Variants in AIPL1 observed in about 807,000 individuals in gnomAD.
AIPL1 encodes the protein AIP like 1 HSP90 co-chaperone, also known as aryl-hydrocarbon-interacting protein-like 1.
A neutral mutation model predicts 32.9 loss-of-function variants in AIPL1; 23 were observed. The ratio of observed to expected loss-of-function variants is 0.70; its 90% CI spans 0.50 to 0.99. The LOEUF is 0.99. Among genes scored for constraint, AIPL1 ranks in the 50% least tolerant of loss-of-function variants. The pLI is 0.00. For synonymous variants in AIPL1, 210 were observed against 209.4 expected, an observed-to-expected ratio of 1.00 and a Z score of -0.02; for missense variants, 485 against 506.0, an observed-to-expected ratio of 0.96 and a Z score of 0.40.
intron 5 of AIPL1, 106 bp from the exon 6 acceptor site, chr17:6,425,936 A>T (rs969296004): frequency 7.0e-7 from 1 of 1,419,974 alleles, no homozygotes; most frequent in African/African-American, 1.4e-5. Flanking sequence ...CCCCGCCATG[A>T]TCCTTAACCT....
At chr17:6,429,402 G>A (rs901256184) in intron 2 of AIPL1, among the ~76,000 whole-genome samples, 2 of 152,218 alleles carry the variant, frequency 1.3e-5, no homozygotes, top group East Asian at 3.8e-4. Flanking sequence ...AGGTCACCCT[G>A]CCCGCCCCAC....
intron 1 of AIPL1, 95 bp from the exon 2 acceptor site, chr17:6,434,193 G>T: frequency 2.1e-6 from 3 of 1,413,544 alleles, no homozygotes; most frequent in Non-Finnish European, 2.9e-6. Context: ...CTGTCCCCAG[G>T]GTCAGCTCAC....
In AIPL1 at chr17:6,425,473, G is replaced by C. The variant is rs777796745; in HGVS notation, c.1142C>G (p.Ser381Trp). Residue 381 changes from serine (S) to tryptophan (W), a missense_variant, in exon 6 of 6, where the codon TCG becomes TGG. Coordinates refer to ENST00000381129, the MANE Select transcript of AIPL1 (RefSeq NM_014336.5). ...GCCTCAGGGGGCTCAGTGCTGCAGC[G>C]AGTGCCCTGGGGACGGGGGTGGCTC... ...ATEPPPSPGH[S>W]LQH The C allele has an allele frequency of 5.0e-6, 8 of 1,599,136 alleles. No homozygotes were observed. The East Asian group carries it at 1.3e-4, about 27-fold the overall frequency.
At chr17:6,434,156 C>T in intron 1 of AIPL1, 58 bp from the exon 2 acceptor site, 1 of 1,583,544 alleles carries the variant, frequency 6.3e-7, no homozygotes, top group South Asian at 1.1e-5. Flanking sequence ...CCGGCAGAAG[C>T]CACCCCCTTG....
At chr17:6,429,815 GGT>G (rs1491464435) in intron 2 of AIPL1, among the ~76,000 whole-genome samples, 10 of 98,072 alleles carry the variant, frequency 1.0e-4, no homozygotes, top group East Asian at 5.8e-4. Context: ...TAGGTAGGTA[GGT>G]AGGTAGGTAG....
rs71381392 is a variant in AIPL1 at position 6,434,356 on chromosome 17, C to CT, written c.97-259dup. 0.069 allele frequency among the ~76,000 whole-genome samples: 7,264 copies of CT among 104,890 alleles called. 799 individuals are homozygous for CT. The highest frequency in any genetic ancestry group is 0.21 in the African/African-American group (5,450 of 26,570). The allele number at this position is 104,890 out of a possible 152,430, so 68.8% of individuals were successfully genotyped here. On this transcript the variant is annotated intron_variant, in intron 1 of 5. Coordinates refer to ENST00000381129, the MANE Select transcript of AIPL1 (RefSeq NM_014336.5). ...ATCCTTCCTCAAGTAAGCCCGAGTT[C>CT]TTTTTTTTTTTTTTTTTTCTGAGAC... is the stretch of plus-strand genomic sequence containing the variant.
Position 6,425,359 on chromosome 17 carries a change from A to G in AIPL1, c.*101T>C. The stretch of plus-strand genomic sequence containing the variant: ...GTGTCTGACTTTGATTTCAAAAATT[A>G]ATTTTAAATTTTAAAAAGTGACACC... On this transcript the variant is annotated 3_prime_UTR_variant, in exon 6 of 6. Transcript: ENST00000381129. 1 of 1,382,448 alleles carries G rather than the reference A, an allele frequency of 7.2e-7. No homozygotes were observed. The highest frequency in any genetic ancestry group is 9.6e-7 in the Non-Finnish European group (1 of 1,045,686). 85.6% of individuals were successfully genotyped at this position (1,382,448 alleles called of 1,614,324 possible). A position where few individuals can be genotyped will look rare whatever the true frequency, so the allele number is the denominator to read the frequency against.
Position 6,425,532 on chromosome 17 carries a change from C to T in AIPL1, c.1083G>A (p.Glu361=), listed in dbSNP as rs939009279. The change falls in exon 6 of 6, where the codon GAG becomes GAA. Residue 361 remains glutamate (E), a synonymous_variant. Transcript: ENST00000381129. ...PAEPPTAPSA[E]LSAGPPAEPA... ...GCTCTGCAGGGGGCCCTGCGGACAGCTCTGCAGATGGTGCTGTGGGTGGCT... is the reference window on the plus strand; with the variant it reads ...GCTCTGCAGGGGGCCCTGCGGACAGTTCTGCAGATGGTGCTGTGGGTGGCT... 6.2e-6 allele frequency: 10 copies of T among 1,612,354 alleles called. No homozygotes were observed. The highest frequency in any genetic ancestry group is 8.5e-6 in the Non-Finnish European group (10 of 1,179,736).
In AIPL1 at chr17:6,434,113, G is replaced by C; in HGVS notation, c.97-15C>G. On this transcript the variant is annotated splice_polypyrimidine_tract_variant and intron_variant, in intron 1 of 5. Transcript: ENST00000381129. ...TGAAAGATCACCTAGTCACCGAGAC[G>C]GTGCACTCTGCTCTAGACACACTGT... is the stretch of plus-strand genomic sequence containing the variant. 1 of 1,610,748 alleles carries C rather than the reference G, an allele frequency of 6.2e-7. No homozygotes were observed. Among genetic ancestry groups the C allele is most frequent in the Non-Finnish European group, 8.5e-7 (1 of 1,179,716 alleles).
intron 2 of AIPL1, among the ~76,000 whole-genome samples, chr17:6,433,607 TCTCTCACA>T (rs1192909284): frequency 3.9e-5 from 5 of 128,816 alleles, no homozygotes; most frequent in African/African-American, 1.6e-4. Flanking sequence ...TCTCTCTCTC[TCTCTCACA>T]CACACACACA....
rs918686259 is a variant in AIPL1, at chr17:6,426,137, TGATTATGAG to T, written c.785-316_785-308del. On this transcript the variant is annotated intron_variant, in intron 5 of 5. Coordinates refer to ENST00000381129, the MANE Select transcript of AIPL1 (RefSeq NM_014336.5). ...CTTTCCCTGCACCTCCCTCATATGG[TGATTATGAG>T]GATTATGAGGATTAAATGAGATAAT... 3.7e-5 allele frequency: 48 copies of T among 1,308,900 alleles called. No homozygotes were observed. In the African/African-American group the frequency reaches 5.6e-4, roughly 15 times the overall value. The allele number at this position is 1,308,900 out of a possible 1,614,324, so 81.1% of individuals were successfully genotyped here.
In AIPL1 at chr17:6,433,969, G is replaced by C. The variant is rs1912899892; in HGVS notation, c.226C>G (p.Leu76Val). ...MFKLEVWEIL[L>V]TSMRVHEVAE... Reference sequence around the variant, plus strand: ...ACCTCGTGCACCCGCATGGAGGTAAGCAGGATCTCCCAGACCTCGAGCTTG... The same window carrying C: ...ACCTCGTGCACCCGCATGGAGGTAACCAGGATCTCCCAGACCTCGAGCTTG... The change falls in exon 2 of 6, where the codon CTT becomes GTT. Residue 76 changes from leucine to valine, a missense_variant. Transcript: ENST00000381129. 4 of 1,614,010 alleles carry C rather than the reference G, an allele frequency of 2.5e-6. No individual in the cohort carries two copies. Among genetic ancestry groups the C allele is most frequent in the South Asian group, 2.2e-5 (2 of 91,078 alleles).
At chr17:6,433,875 A>G in intron 2 of AIPL1, 44 bp downstream of exon 2, 1 of 1,604,138 alleles carries the variant, frequency 6.2e-7, no homozygotes, top group Non-Finnish European at 8.5e-7. Context: ...GGGTGAGCCC[A>G]GAAAAGACTA....
At chr17:6,428,913 A>G (rs1912280752) in intron 2 of AIPL1, among the ~76,000 whole-genome samples, 1 of 152,172 alleles carries the variant, frequency 6.6e-6, no homozygotes, top group Non-Finnish European at 1.5e-5. Flanking sequence ...TGACCTCTGC[A>G]AAGCCTATGA....
rs552087867 is a variant in AIPL1, at chr17:6,425,144, A to C, written c.*316T>G. The stretch of plus-strand genomic sequence containing the variant: ...CATCAAATCCTCATTTGTCATTGAC[A>C]TGGGGTAAAATCTAGAAACTGATTT... On this transcript the variant is annotated 3_prime_UTR_variant, in exon 6 of 6. Transcript: ENST00000381129. 3.9e-6 allele frequency: 1 copy of C among 257,474 alleles called. No individual in the cohort carries two copies. Among genetic ancestry groups the C allele is most frequent in the African/African-American group, 2.2e-5 (1 of 45,314 alleles). The allele number at this position is 257,474 out of a possible 1,614,324, so 15.9% of individuals were successfully genotyped here.
Position 6,426,655 on chromosome 17 carries a change from C to G in AIPL1, c.744G>C (p.Glu248Asp), listed in dbSNP as rs1399484428. Residue 248 changes from glutamate (E) to aspartate (D), a missense_variant, in exon 5 of 6, where the codon GAG becomes GAC. Physicochemically the swap from Glu to Asp is conservative, Grantham distance 45. Transcript: ENST00000381129. ...QCLLKKEEYY[E>D]VLEHTSDILR... is the part of the protein sequence containing the mutation. Reference sequence around the variant, plus strand: ...GAATATCACTGGTGTGCTCCAGCACCTCATAGTACTCCTCCTTCTTCAGCA... The same window carrying G: ...GAATATCACTGGTGTGCTCCAGCACGTCATAGTACTCCTCCTTCTTCAGCA... 1 of 1,614,088 alleles carries G rather than the reference C, an allele frequency of 6.2e-7. No individual in the cohort carries two copies. The highest frequency in any genetic ancestry group is 2.2e-5 in the East Asian group (1 of 44,898).
chr17:6,425,586 G>T lies in AIPL1; in HGVS notation c.1029C>A (p.Pro343=). ...QPPAEPPTEP[P]AQSSTEPPAE... is the part of the protein sequence containing the mutation. ...CAGGTGGCTCTGTGGATGACTGTGC[G>T]GGTGGCTCTGTGGGTGGCTCTGCGG... The change falls in exon 6 of 6, where the codon CCC becomes CCA. Residue 343 remains proline (P), a synonymous_variant. Coordinates refer to ENST00000381129, the MANE Select transcript of AIPL1 (RefSeq NM_014336.5). 1.2e-6 allele frequency: 2 copies of T among 1,613,286 alleles called. No homozygotes were observed. Among genetic ancestry groups the T allele is most frequent in the Non-Finnish European group, 1.7e-6 (2 of 1,179,764 alleles).
intron 2 of AIPL1, among the ~76,000 whole-genome samples, chr17:6,431,840 T>C (rs1214726711): frequency 6.6e-6 from 1 of 152,142 alleles, no homozygotes; most frequent in African/African-American, 2.4e-5. Flanking sequence ...CAACCAAGTG[T>C]GATGTACGTC....
chr17:6,434,832 G>T, intron 1 of AIPL1, 177 bp downstream of exon 1: 1 of 1,169,326 alleles, frequency 8.6e-7, no homozygotes, highest in Non-Finnish European at 1.2e-6. Context: ...AATCTGCAAA[G>T]TACCAAAAAT....
Sources: gnomAD v4.1 joint callset for allele counts (sites outside exome capture counted in the v4.1 genomes callset) on GRCh38, gnomAD v4.1.1 for gene constraint, MANE v1.5 for transcripts, NCBI Gene and HGNC (gene_info 2026-07-23, HGNC 2026-07-21) for gene names.